ARHGEF28: variants seen among roughly 807,000 people sequenced by gnomAD.
ARHGEF28 encodes Rho guanine nucleotide exchange factor 28.
A neutral mutation model predicts 206.6 loss-of-function variants in ARHGEF28; 152 were observed. The observed-to-expected ratio is 0.74, with a 90% CI of 0.64 to 0.84. The LOEUF (loss-of-function observed/expected upper bound fraction) is 0.84. Among genes scored for constraint, ARHGEF28 ranks in the 40% least tolerant of loss-of-function variants. The pLI, the probability that ARHGEF28 is intolerant of heterozygous loss-of-function variation, is 0.00. For synonymous variants in ARHGEF28, 763 were observed against 776.4 expected, an observed-to-expected ratio of 0.98 and a Z score of 0.29; for missense variants, 2,028 against 2,073.2, an observed-to-expected ratio of 0.98 and a Z score of 0.42.
intron 2 of ARHGEF28, among the ~76,000 whole-genome samples, chr5:73,717,261 T>G (rs1482090958): frequency 6.6e-6 from 1 of 152,142 alleles, no homozygotes; most frequent in Non-Finnish European, 1.5e-5. Flanking sequence ...CATTGTAGAC[T>G]CAAGCCTGAG....
intron 34 of ARHGEF28, 142 bp from the exon 35 acceptor site, chr5:73,911,133 A>AG (rs1443619279): frequency 9.9e-6 from 8 of 811,078 alleles, no homozygotes; most frequent in Middle Eastern, 3.8e-4. Flanking sequence ...AGTATGGGAG[A>AG]GGGGAGGGAG....
intron 5 of ARHGEF28, 77 bp downstream of exon 5, chr5:73,774,115 A>G (rs1249013760): frequency 5.9e-6 from 8 of 1,345,706 alleles, no homozygotes; most frequent in Non-Finnish European, 8.0e-6. Flanking sequence ...GGAAATAACC[A>G]AACCACAAGC....
At chr5:73,630,562 G>T (rs957410277) in intron 1 of ARHGEF28, among the ~76,000 whole-genome samples, 2 of 152,200 alleles carry the variant, frequency 1.3e-5, no homozygotes, top group African/African-American at 4.8e-5. Context: ...GGATAAAAGG[G>T]TAGCAGGTTT....
At position 73,804,909 on chromosome 5, in the gene ARHGEF28, T is replaced by C. The variant is rs753573830; in HGVS notation, c.1024+9518T>C. ...CTTCCTCACCTGCCTTTCCACACTATGTGTAGCCCACACATAAGGAAAAAG... is the reference window on the plus strand; with the variant it reads ...CTTCCTCACCTGCCTTTCCACACTACGTGTAGCCCACACATAAGGAAAAAG... On this transcript the variant is annotated intron_variant, in intron 9 of 35. Coordinates refer to ENST00000513042, the MANE Select transcript of ARHGEF28 (RefSeq NM_001177693.2). Among the ~76,000 whole-genome samples, 7 of 152,340 alleles carry C rather than the reference T, an allele frequency of 4.6e-5. No individual in the cohort carries two copies. The East Asian group carries it at 1.3e-3, about 29-fold the overall frequency.
chr5:73,940,821 C>G, intron 35 of ARHGEF28, 23 bp from the exon 36 acceptor site: 4 of 1,455,516 alleles, frequency 2.7e-6, no homozygotes, highest in Non-Finnish European at 3.6e-6. Context: ...CCTCCTGTAA[C>G]CTGTGCTGTC....
chr5:73,740,195 A>G (rs1025100736), intron 2 of ARHGEF28, among the ~76,000 whole-genome samples: 1 of 148,370 alleles, frequency 6.7e-6, no homozygotes, highest in Non-Finnish European at 1.5e-5. Flanking sequence ...AAAAAAAAAA[A>G]GAAGGAGAAG....
At chr5:73,890,670 A>G (rs1019672525) in intron 26 of ARHGEF28, among the ~76,000 whole-genome samples, 3 of 152,184 alleles carry the variant, frequency 2.0e-5, no homozygotes, top group African/African-American at 7.2e-5. Flanking sequence ...GCCAAGCTGT[A>G]TGATGCTGGG....
intron 16 of ARHGEF28, among the ~76,000 whole-genome samples, chr5:73,859,599 G>T (rs1188869568): frequency 6.6e-6 from 1 of 152,164 alleles, no homozygotes; most frequent in African/African-American, 2.4e-5. Flanking sequence ...TTGAAAACTT[G>T]ATTTCTTTCT....
intron 1 of ARHGEF28, among the ~76,000 whole-genome samples, chr5:73,675,610 G>T (rs1225075163): frequency 1.3e-5 from 2 of 151,512 alleles, no homozygotes; most frequent in Non-Finnish European, 2.9e-5. Context: ...ACGGGTGCCT[G>T]TGGTCCCAGC....
intron 14 of ARHGEF28, among the ~76,000 whole-genome samples, chr5:73,854,343 G>T (rs1254172509): frequency 6.6e-6 from 1 of 152,078 alleles, no homozygotes; most frequent in Non-Finnish European, 1.5e-5. Flanking sequence ...TACCTTGCAG[G>T]CTCATTTCAG....
chr5:73,863,636 T>C (rs539592750), intron 16 of ARHGEF28, among the ~76,000 whole-genome samples: 5 of 151,910 alleles, frequency 3.3e-5, no homozygotes, highest in Non-Finnish European at 4.4e-5. Context: ...CCCCGTCTTC[T>C]GTCTCTTATC....
chr5:73,897,011 T>C (rs1761995963), intron 29 of ARHGEF28, among the ~76,000 whole-genome samples: 1 of 152,198 alleles, frequency 6.6e-6, no homozygotes, highest in African/African-American at 2.4e-5. Context: ...GTGAGGGAGT[T>C]ATCTTCCGAC....
intron 33 of ARHGEF28, chr5:73,909,193 T>C (rs1762719571): frequency 2.0e-6 from 1 of 490,558 alleles, no homozygotes; most frequent in Admixed American, 3.7e-5. Flanking sequence ...GTTTCTTTTC[T>C]CTATAAATTC....
chr5:73,793,440 G>A (rs1322793825), intron 7 of ARHGEF28, among the ~76,000 whole-genome samples: 1 of 152,206 alleles, frequency 6.6e-6, no homozygotes, highest in East Asian at 1.9e-4. Context: ...CAGATTTGGG[G>A]CATTAGATAA....
intron 2 of ARHGEF28, among the ~76,000 whole-genome samples, chr5:73,737,522 CT>C (rs1270204631): frequency 8.3e-6 from 1 of 120,768 alleles, no homozygotes; most frequent in Non-Finnish European, 1.7e-5. Context: ...CTTTTCTTTT[CT>C]TTTTTGTGAT....
intron 27 of ARHGEF28, 30 bp from the exon 28 acceptor site, chr5:73,893,167 G>C: frequency 2.7e-6 from 4 of 1,507,626 alleles, no homozygotes; most frequent in Non-Finnish European, 3.6e-6. Context: ...TTTGGTTTCA[G>C]TTGTGTCTCT....
In ARHGEF28 at chr5:73,909,449, A is replaced by G; in HGVS notation, c.4199A>G (p.His1400Arg). 6.2e-7 allele frequency: 1 copy of G among 1,612,578 alleles called. No individual in the cohort carries two copies. The highest frequency in any genetic ancestry group is 8.5e-7 in the Non-Finnish European group (1 of 1,179,370). The change falls in exon 34 of 36, where the codon CAC (histidine) becomes CGC (arginine). Residue 1400 changes from histidine (H) to arginine (R), a missense_variant. His to Arg is a conservative substitution (Grantham distance 29). This residue lies in a region of ARHGEF28 where 803 missense variants were observed against 768.0 expected (regional missense o/e 1.05). Transcript: ENST00000513042. Reference sequence around the variant, plus strand: ...ATTCAGGACAGCCACATTGAGATCCACAGGCTGGTTCTCCAGCAGCAGGAG... The same window carrying G: ...ATTCAGGACAGCCACATTGAGATCCGCAGGCTGGTTCTCCAGCAGCAGGAG... ...LTIQDSHIEIHRLVLQQQEGL... is the reference protein window; with the variant it reads ...LTIQDSHIEIRRLVLQQQEGL...
At chr5:73,665,670 G>C (rs1021563813) in intron 1 of ARHGEF28, among the ~76,000 whole-genome samples, 1 of 152,056 alleles carries the variant, frequency 6.6e-6, no homozygotes, top group Non-Finnish European at 1.5e-5. Context: ...GGGGCCAAAC[G>C]TCCTTTTATA....
At chr5:73,870,936 C>T (rs1192017751) in intron 21 of ARHGEF28, among the ~76,000 whole-genome samples, 1 of 152,112 alleles carries the variant, frequency 6.6e-6, no homozygotes, top group Non-Finnish European at 1.5e-5. Context: ...CAAACATGGG[C>T]CCCAAAGTCC....
Sources: allele counts gnomAD v4.1 joint callset (sites outside exome capture counted in the v4.1 genomes callset), GRCh38; gene constraint gnomAD v4.1.1; regional missense constraint gnomAD v4.1.1; transcripts MANE v1.5; gene names NCBI Gene and HGNC (gene_info 2026-07-23, HGNC 2026-07-21).